Variants in SUPT16H observed in about 807,000 individuals in gnomAD.
SUPT16H encodes the protein SPT16 homolog, facilitates chromatin remodeling subunit.
SUPT16H carries 24 observed loss-of-function variants against 136.2 expected under a neutral mutation model. That is an observed-to-expected ratio of 0.18 (90% CI 0.13 to 0.25). SUPT16H has a LOEUF of 0.25. Ranked by LOEUF, SUPT16H falls within the 10% of genes least tolerant of loss-of-function variation. The probability of loss-of-function intolerance (pLI) is 1.00; values close to 1 mark genes in which losing one functional copy is unlikely to be tolerated. For missense variants in SUPT16H, 623 were observed against 1,270.2 expected (o/e 0.49, Z 7.74); for synonymous variants, 415 against 428.2 (o/e 0.97, Z 0.38).
At chr14:21,353,205 A>G (rs1886360117) in intron 25 of SUPT16H, among the ~76,000 whole-genome samples, 2 of 152,230 alleles carry the variant, frequency 1.3e-5, no homozygotes, top group African/African-American at 4.8e-5. Flanking sequence ...ATTCTTGAGT[A>G]TTACATGAAT....
intron 15 of SUPT16H, 143 bp from the exon 16 acceptor site, chr14:21,361,356 AC>A: frequency 1.0e-6 from 1 of 992,336 alleles, no homozygotes; most frequent in Non-Finnish European, 1.4e-6. Flanking sequence ...TGCCTCTGTC[AC>A]CCAGGCTGGA....
At chr14:21,381,834 T>G (rs1218404383) in intron 1 of SUPT16H, among the ~76,000 whole-genome samples, 10 of 150,522 alleles carry the variant, frequency 6.6e-5, no homozygotes, top group Non-Finnish European at 1.5e-4. Flanking sequence ...TTGCCCAGGC[T>G]GGTCTTTAAC....
rs775272619 is a variant in SUPT16H, at chr14:21,362,866, G to A, written c.1593C>T (p.Ile531=). 7 of 1,613,892 alleles carry A rather than the reference G, an allele frequency of 4.3e-6. No individual in the cohort carries two copies. Among genetic ancestry groups the A allele is most frequent in the South Asian group, 1.1e-5 (1 of 91,048 alleles). Residue 531 remains isoleucine, a synonymous_variant, in exon 14 of 26, where the codon ATC becomes ATT. Coordinates refer to ENST00000216297, the MANE Select transcript of SUPT16H (RefSeq NM_007192.4). ...TTATTACAGTCTCATATTTCTTATCGATGTAGATCTTCATTTCCCGAATAT... is the reference window on the plus strand; with the variant it reads ...TTATTACAGTCTCATATTTCTTATCAATGTAGATCTTCATTTCCCGAATAT... ...EPHIREMKIY[I]DKKYETVIMP...
chr14:21,355,673 CTGTAT>C (rs915588895), intron 22 of SUPT16H, among the ~76,000 whole-genome samples: 2 of 151,988 alleles, frequency 1.3e-5, no homozygotes, highest in African/African-American at 4.8e-5. Flanking sequence ...CTAAAGTGCC[CTGTAT>C]TTAGACAATG....
intron 1 of SUPT16H, 185 bp downstream of exon 1, chr14:21,383,676 CG>C (rs1887098552): frequency 1.4e-6 from 1 of 727,664 alleles, no homozygotes. Context: ...AGGGTGAATG[CG>C]GGGGATTCCC....
Position 21,360,508 on chromosome 14 carries a change from T to G in SUPT16H, c.2082A>C (p.Gly694=). The part of the protein sequence containing the change: ...VNGFRFTSVR[G]DKVDILYNNI... ...TATTGTACAAAATATCCACTTTGTC[T>G]CCTCGAACAGATGTGAAGCGGAAGC... Residue 694 remains glycine (G), a synonymous_variant, in exon 18 of 26, where the codon GGA becomes GGC. Coordinates refer to ENST00000216297, the MANE Select transcript of SUPT16H (RefSeq NM_007192.4). 1 of 1,613,718 alleles carries G rather than the reference T, an allele frequency of 6.2e-7. No homozygotes were observed. Among genetic ancestry groups the G allele is most frequent in the South Asian group, 1.1e-5 (1 of 91,024 alleles).
At chr14:21,373,487 G>A (rs763949008) in intron 1 of SUPT16H, 57 bp from the exon 2 acceptor site, 4 of 1,241,592 alleles carry the variant, frequency 3.2e-6, no homozygotes, top group Non-Finnish European at 3.6e-6. Flanking sequence ...CAGGAATACA[G>A]CCTTCAATAT....
At chr14:21,360,120 CAGGTTCA>C in intron 18 of SUPT16H, among the ~76,000 whole-genome samples, 1 of 152,254 alleles carries the variant, frequency 6.6e-6, no homozygotes, top group South Asian at 2.1e-4. Context: ...TTCCGCCTCC[CAGGTTCA>C]AGCAATTTTC....
In SUPT16H at chr14:21,359,629, A is replaced by T. The variant is rs1232688916; in HGVS notation, c.2176-20T>A. ...GGCATTCTGTCGGCATAAAACAGAA[A>T]GAACACAGAAGTCAGAAACACAAAG... On this transcript the variant is annotated intron_variant, in intron 18 of 25. Transcript: ENST00000216297. 6.2e-7 allele frequency: 1 copy of T among 1,610,414 alleles called. No individual in the cohort carries two copies. Among genetic ancestry groups the T allele is most frequent in the South Asian group, 1.1e-5 (1 of 90,530 alleles).
In SUPT16H at chr14:21,359,137, G is replaced by A. The variant is rs181908999; in HGVS notation, c.2301+347C>T. ...TATTGAGATGGAGTCTCACTCTGTC[G>A]CCCAGGCTGGAGTGCAGTGGCGCTA... On this transcript the variant is annotated intron_variant, in intron 19 of 25. Transcript: ENST00000216297. 3.0e-3 allele frequency among the ~76,000 whole-genome samples: 462 copies of A among 151,880 alleles called. 2 individuals carry two copies. The highest frequency in any genetic ancestry group is 5.5e-3 in the Non-Finnish European group (374 of 67,972).
rs780339751 is a variant in SUPT16H at position 21,366,503 on chromosome 14, C to A, written c.982G>T (p.Ala328Ser). Reference protein sequence around the residue: ...HGVKICDVYNAVMDVVKKQKP... With the variant: ...HGVKICDVYNSVMDVVKKQKP... ...TGCTTTTTAACCACGTCCATGACAG[C>A]GTTATACACGTCACATATCTTCACA... The change falls in exon 8 of 26, where the codon GCT (alanine) becomes TCT (serine). Residue 328 changes from alanine (A) to serine (S), a missense_variant. Around this residue, in one of 7 missense-constraint regions of SUPT16H, gnomAD observed 343 missense variants for 525.7 expected, o/e 0.65. Transcript: ENST00000216297. 6.2e-7 allele frequency: 1 copy of A among 1,613,978 alleles called. No individual in the cohort carries two copies. The highest frequency in any genetic ancestry group is 2.2e-5 in the East Asian group (1 of 44,876).
intron 15 of SUPT16H, among the ~76,000 whole-genome samples, chr14:21,361,738 T>C (rs1275792549): frequency 6.6e-6 from 1 of 152,184 alleles, no homozygotes; most frequent in African/African-American, 2.4e-5. Flanking sequence ...TACTGCAATA[T>C]ATGTTTATTA....
chr14:21,366,563 T>C, intron 7 of SUPT16H, 34 bp from the exon 8 acceptor site: 1 of 1,584,064 alleles, frequency 6.3e-7, no homozygotes, highest in Non-Finnish European at 8.6e-7. Context: ...TATTAAAGTA[T>C]CTTTTAGGAA....
chr14:21,370,622 C>T (rs4982445), intron 3 of SUPT16H, 134 bp from the exon 4 acceptor site: 901,803 of 972,030 alleles, frequency 0.93, 418,967 homozygotes, highest in African/African-American at 0.95. Flanking sequence ...CTACTTTTTA[C>T]TTTTAAAGAG....
rs999975490 is a variant in SUPT16H at position 21,382,045 on chromosome 14, T to C, written c.66+1817A>G. ...ATATCCAGGAGGATAAGCGACTAGA[T>C]TTAACCCAGAAAACTACTATCTCTG... is the stretch of plus-strand genomic sequence containing the variant. On this transcript the variant is annotated intron_variant, in intron 1 of 25. Transcript: ENST00000216297. 2.0e-5 allele frequency among the ~76,000 whole-genome samples: 3 copies of C among 152,216 alleles called. No individual in the cohort carries two copies. In the East Asian group the frequency reaches 5.8e-4, roughly 29 times the overall value.
chr14:21,371,001 T>C (rs1193937784), intron 3 of SUPT16H, among the ~76,000 whole-genome samples: 2 of 152,040 alleles, frequency 1.3e-5, no homozygotes, highest in African/African-American at 4.8e-5. Context: ...GGTCTTGAAC[T>C]CCAGACCTCA....
chr14:21,355,846 T>G (rs996947623), intron 22 of SUPT16H, among the ~76,000 whole-genome samples: 7 of 152,138 alleles, frequency 4.6e-5, no homozygotes, highest in African/African-American at 1.7e-4. Context: ...CTTTAGACAA[T>G]ATACACGGCA....
In SUPT16H at chr14:21,366,530, C is replaced by A; in HGVS notation, c.956-1G>T. ...TTATACACGTCACATATCTTCACAC[C>A]TAATAACAAGACACAAAGGAGATAT... is the stretch of plus-strand genomic sequence containing the variant. On this transcript the variant is annotated splice_acceptor_variant, in intron 7 of 25. Coordinates refer to ENST00000216297, the MANE Select transcript of SUPT16H (RefSeq NM_007192.4). LOFTEE classifies it high-confidence loss of function. 6.2e-7 allele frequency: 1 copy of A among 1,611,858 alleles called. No individual in the cohort carries two copies. Among genetic ancestry groups the A allele is most frequent in the Non-Finnish European group, 8.5e-7 (1 of 1,179,262 alleles).
intron 18 of SUPT16H, 135 bp from the exon 19 acceptor site, chr14:21,359,744 A>T: frequency 8.2e-6 from 8 of 981,222 alleles, no homozygotes; most frequent in Non-Finnish European, 1.0e-5. Context: ...GTCATCATAA[A>T]TAATGATGCT....
Sources: gnomAD v4.1 joint callset for allele counts (sites outside exome capture counted in the v4.1 genomes callset) on GRCh38, gnomAD v4.1.1 for gene constraint, gnomAD v4.1.1 regional missense constraint, MANE v1.5 for transcripts, NCBI Gene and HGNC (gene_info 2026-07-23, HGNC 2026-07-21) for gene names.